Variants in CEBPZOS observed in about 807,000 individuals in gnomAD.
CEBPZOS encodes the protein protein CEBPZOS.
A neutral mutation model predicts 4.8 loss-of-function variants in CEBPZOS; 10 were observed. That is an observed-to-expected ratio of 2.07 (90% CI 1.28 to 3.52). The LOEUF (loss-of-function observed/expected upper bound fraction) is 3.52. Among genes scored for constraint, CEBPZOS ranks in the 30% most tolerant of loss-of-function variants. The pLI is 0.00. For synonymous variants in CEBPZOS, 25 were observed against 14.2 expected (o/e 1.77, Z -1.72); for missense variants, 98 against 43.6 (o/e 2.25, Z -3.51).
At chr2:37,197,306 G>A (rs1676992406) in intron 1 of CEBPZOS, 1 of 152,248 alleles carries the variant, frequency 6.6e-6, no homozygotes. Flanking sequence ...TCAGCCTCCT[G>A]AAGCCGAGAG....
rs146671179 is a variant in CEBPZOS, at chr2:37,200,981, T to C, written c.116-67T>C. ...TATGGACCCTAAAGCTAGCATTAAATTGTGGCTGTGTTAATATAATGAATT... is the reference window on the plus strand; with the variant it reads ...TATGGACCCTAAAGCTAGCATTAAACTGTGGCTGTGTTAATATAATGAATT... On this transcript the variant is annotated intron_variant, in intron 2 of 4. Coordinates refer to ENST00000402297, the MANE Select transcript of CEBPZOS (RefSeq NM_001322374.2). 1.9e-4 allele frequency: 137 copies of C among 702,648 alleles called. No homozygotes were observed. The African/African-American group carries it at 2.2e-3, about 11-fold the overall frequency. The allele number at this position is 702,648 out of a possible 1,614,324, so 43.5% of individuals were successfully genotyped here. A position where few individuals can be genotyped will look rare whatever the true frequency, so the allele number is the denominator to read the frequency against.
At chr2:37,197,014 C>T (rs948319078) in intron 1 of CEBPZOS, among the ~76,000 whole-genome samples, 15 of 152,230 alleles carry the variant, frequency 9.9e-5, no homozygotes, top group African/African-American at 3.4e-4. Flanking sequence ...GGATAAGGGG[C>T]TTCCGACCCA....
In CEBPZOS at chr2:37,199,207, C is replaced by G. The variant is rs1000113618; in HGVS notation, c.-1-497C>G. 3.3e-5 allele frequency among the ~76,000 whole-genome samples: 5 copies of G among 151,860 alleles called. No individual in the cohort carries two copies. The South Asian group carries it at 8.3e-4, about 25-fold the overall frequency. On this transcript the variant is annotated intron_variant, in intron 1 of 4. Transcript: ENST00000402297. ...TCAGTATATAGGATATCTATACTATCTATAATATATAGTATATGTAATAGT... is the reference window on the plus strand; with the variant it reads ...TCAGTATATAGGATATCTATACTATGTATAATATATAGTATATGTAATAGT...
In CEBPZOS at chr2:37,202,352, A is replaced by G. The variant is rs1677293129; in HGVS notation, c.*492A>G. 1 of 161,274 alleles carries G rather than the reference A, an allele frequency of 6.2e-6. No individual in the cohort carries two copies. The highest frequency in any genetic ancestry group is 6.3e-5 in the Admixed American group (1 of 15,808). 10.0% of individuals were successfully genotyped at this position (161,274 alleles called of 1,614,324 possible). On this transcript the variant is annotated 3_prime_UTR_variant, in exon 5 of 5. Transcript: ENST00000402297. The stretch of plus-strand genomic sequence containing the variant: ...AGTACCATGAAAAGGTCTTTCAAAA[A>G]TATTCCTATCAGCCAGGCATGGTGG...
At chr2:37,215,703 G>A (rs1026087941), downstream of CEBPZOS, among the ~76,000 whole-genome samples, 1 of 152,112 alleles carries the variant, frequency 6.6e-6, no homozygotes, top group African/African-American at 2.4e-5. Flanking sequence ...ATAGAAGTAG[G>A]TTATTAAGTT....
chr2:37,211,315 A>G (rs958795137), intron 4 of CEBPZOS: 28 of 355,308 alleles, frequency 7.9e-5, no homozygotes, highest in Non-Finnish European at 1.4e-4. Context: ...TAGCTTCATT[A>G]ATAAGACCAA....
intron 4 of CEBPZOS, chr2:37,210,089 C>T (rs993252744): frequency 6.6e-6 from 1 of 152,152 alleles, no homozygotes; most frequent in Non-Finnish European, 1.5e-5. Context: ...CACCTTACTC[C>T]TGCAAGAATG....
downstream of CEBPZOS, among the ~76,000 whole-genome samples, chr2:37,207,596 TTGAAC>T (rs142197661): frequency 0.022 from 3,325 of 152,262 alleles, 68 homozygotes; most frequent in African/African-American, 0.061. Flanking sequence ...TTAAAATTTT[TTGAAC>T]TGAACAATAG....
chr2:37,211,089 C>A, intron 4 of CEBPZOS: 1 of 1,597,164 alleles, frequency 6.3e-7, no homozygotes, highest in South Asian at 1.1e-5. Flanking sequence ...AGTTCTGTTA[C>A]ACGAAAAAAT....
chr2:37,212,487 CT>C, intron 4 of CEBPZOS: 1 of 1,063,582 alleles, frequency 9.4e-7, no homozygotes, highest in Non-Finnish European at 1.4e-6. Flanking sequence ...CATGATTCTG[CT>C]GTTTATGACA....
Position 37,202,841 on chromosome 2 carries a change from T to C in CEBPZOS, c.*981T>C, listed in dbSNP as rs935282438. On this transcript the variant is annotated 3_prime_UTR_variant, in exon 5 of 5. Coordinates refer to ENST00000402297, the MANE Select transcript of CEBPZOS (RefSeq NM_001322374.2). ...CCAATGTTATCAAACTTGGATCCCATATTTTCATCCAATAGATGGCCAAAC... is the reference window on the plus strand; with the variant it reads ...CCAATGTTATCAAACTTGGATCCCACATTTTCATCCAATAGATGGCCAAAC... 6.2e-7 allele frequency: 1 copy of C among 1,602,342 alleles called. No homozygotes were observed. The highest frequency in any genetic ancestry group is 8.5e-7 in the Non-Finnish European group (1 of 1,174,752).
rs1287002012 is a variant in CEBPZOS at position 37,203,752 on chromosome 2, T to G, written c.*1892T>G. 1 of 152,256 alleles carries G rather than the reference T, an allele frequency of 6.6e-6. No individual in the cohort carries two copies. The highest frequency in any genetic ancestry group is 1.5e-5 in the Non-Finnish European group (1 of 68,048). The allele number at this position is 152,256 out of a possible 1,614,324, so 9.4% of individuals were successfully genotyped here. ...CCAACCCATCTCCGATCTATCTTGT[T>G]TCTATGACTTGCCTTTTCTGGCTAT... On this transcript the variant is annotated 3_prime_UTR_variant, in exon 5 of 5. Coordinates refer to ENST00000402297, the MANE Select transcript of CEBPZOS (RefSeq NM_001322374.2).
intron 2 of CEBPZOS, among the ~76,000 whole-genome samples, chr2:37,200,391 C>T (rs1286382892): frequency 6.6e-6 from 1 of 152,028 alleles, no homozygotes; most frequent in East Asian, 1.9e-4. Flanking sequence ...TGAAACTTGC[C>T]ACAGTCTTCC....
At chr2:37,201,352 T>C in intron 3 of CEBPZOS, 1 of 498,060 alleles carries the variant, frequency 2.0e-6, no homozygotes, top group Non-Finnish European at 3.5e-6. Flanking sequence ...GTTTAAACCT[T>C]TGGTTTTAAA....
downstream of CEBPZOS, chr2:37,216,127 G>T: frequency 6.3e-7 from 1 of 1,592,432 alleles, no homozygotes; most frequent in Non-Finnish European, 8.6e-7. Flanking sequence ...AACTGTCTAA[G>T]GTTTATACTT....
At chr2:37,207,808 C>G (rs565940489), downstream of CEBPZOS, among the ~76,000 whole-genome samples, 17 of 151,926 alleles carry the variant, frequency 1.1e-4, no homozygotes, top group Non-Finnish European at 1.8e-4. Flanking sequence ...AATATCAGAG[C>G]AGAACTAAAT....
At chr2:37,198,514 G>T (rs1158759701) in intron 1 of CEBPZOS, 3 of 152,160 alleles carry the variant, frequency 2.0e-5, no homozygotes, top group African/African-American at 4.8e-5. Context: ...GGGGTCGGAA[G>T]TGAATGGAGT....
downstream of CEBPZOS, chr2:37,214,877 G>GTA (rs1364185072): frequency 6.4e-7 from 1 of 1,569,994 alleles, no homozygotes; most frequent in Non-Finnish European, 8.8e-7. Context: ...ACTATATTAT[G>GTA]TATAGTACCT....
In CEBPZOS at chr2:37,203,875, T is replaced by C. The variant is rs969981686; in HGVS notation, c.*2015T>C. ...GGCTCATCCATGTTGTAGTACTCCA[T>C]GCCATGTTGTGGGCTACATAATATT... On this transcript the variant is annotated 3_prime_UTR_variant, in exon 5 of 5. Coordinates refer to ENST00000402297, the MANE Select transcript of CEBPZOS (RefSeq NM_001322374.2). 2.6e-5 allele frequency: 4 copies of C among 152,202 alleles called. No homozygotes were observed. The highest frequency in any genetic ancestry group is 5.9e-5 in the Non-Finnish European group (4 of 68,006). The allele number at this position is 152,202 out of a possible 1,614,324, so 9.4% of individuals were successfully genotyped here.
Sources: allele counts gnomAD v4.1 joint callset (sites outside exome capture counted in the v4.1 genomes callset), GRCh38; gene constraint gnomAD v4.1.1; transcripts MANE v1.5; gene names NCBI Gene and HGNC (gene_info 2026-07-23, HGNC 2026-07-21).